SH3GL2: variants seen among roughly 807,000 people sequenced by gnomAD.
The protein encoded by SH3GL2 is endophilin-A1.
In SH3GL2, 24 loss-of-function variants were observed where a neutral mutation model predicts 46.0. The ratio of observed to expected loss-of-function variants is 0.52; its 90% CI spans 0.38 to 0.73. The LOEUF is 0.73. SH3GL2 is among the 30% of genes least tolerant of loss of function. The pLI is 0.00. For missense variants in SH3GL2, 413 were observed against 424.2 expected (o/e 0.97, Z 0.23); for synonymous variants, 196 against 147.1 (o/e 1.33, Z -2.40).
intron 2 of SH3GL2, among the ~76,000 whole-genome samples, chr9:17,759,601 G>A (rs562243740): frequency 6.6e-6 from 1 of 152,244 alleles, no homozygotes; most frequent in East Asian, 1.9e-4. Context: ...AGCATTGAGT[G>A]TGTAAAGATA....
intron 1 of SH3GL2, among the ~76,000 whole-genome samples, chr9:17,626,571 A>C (rs1819286046): frequency 6.6e-6 from 1 of 152,220 alleles, no homozygotes; most frequent in Non-Finnish European, 1.5e-5. Context: ...AGTCTAGTGC[A>C]GTTACTTTAA....
At chr9:17,723,733 C>G (rs1189498168) in intron 1 of SH3GL2, among the ~76,000 whole-genome samples, 2 of 151,912 alleles carry the variant, frequency 1.3e-5, no homozygotes, top group African/African-American at 2.4e-5. Context: ...TGAAGACTTG[C>G]CTCCATTGAT....
chr9:17,794,177 C>T (rs1048531306), intron 8 of SH3GL2, among the ~76,000 whole-genome samples: 4 of 152,190 alleles, frequency 2.6e-5, no homozygotes, highest in Non-Finnish European at 5.9e-5. Flanking sequence ...GTCACACTTG[C>T]TCTCCACTCC....
intron 1 of SH3GL2, among the ~76,000 whole-genome samples, chr9:17,666,315 T>A (rs1820339783): frequency 6.6e-6 from 1 of 152,078 alleles, no homozygotes; most frequent in South Asian, 2.1e-4. Flanking sequence ...TGATTTTATT[T>A]ATTTGGATAT....
At chr9:17,645,528 T>C (rs897716411) in intron 1 of SH3GL2, among the ~76,000 whole-genome samples, 42 of 152,184 alleles carry the variant, frequency 2.8e-4, no homozygotes, top group African/African-American at 8.9e-4. Flanking sequence ...CCTTACCATA[T>C]TTAGTGCTTC....
At chr9:17,584,666 G>T (rs1328774800) in intron 1 of SH3GL2, among the ~76,000 whole-genome samples, 1 of 152,172 alleles carries the variant, frequency 6.6e-6, no homozygotes, top group Non-Finnish European at 1.5e-5. Context: ...CTTTCCAGAG[G>T]TGTCAGGATT....
Position 17,593,549 on chromosome 9 carries a change from C to A in SH3GL2, c.45+14262C>A, listed in dbSNP as rs1233036995. Among the ~76,000 whole-genome samples the A allele has an allele frequency of 2.0e-5, 3 of 152,146 alleles. No individual in the cohort carries two copies. In the East Asian group the frequency reaches 5.8e-4, roughly 29 times the overall value. ...TGTTTGTTTTTTTCCTACATCCTTA[C>A]AAGGACACAAGAATGTACCAACTGT... On this transcript the variant is annotated intron_variant, in intron 1 of 8. Transcript: ENST00000380607.
chr9:17,587,634 T>G (rs1278579190), intron 1 of SH3GL2, among the ~76,000 whole-genome samples: 1 of 152,132 alleles, frequency 6.6e-6, no homozygotes, highest in Non-Finnish European at 1.5e-5. Flanking sequence ...TCCCCGCACT[T>G]TGGGAGGCCG....
chr9:17,735,186 T>C (rs1714469432), intron 1 of SH3GL2, among the ~76,000 whole-genome samples: 1 of 152,092 alleles, frequency 6.6e-6, no homozygotes, highest in South Asian at 2.1e-4. Flanking sequence ...GGCAGCCTCC[T>C]AGAATCCTGG....
intron 1 of SH3GL2, among the ~76,000 whole-genome samples, chr9:17,674,790 G>A (rs1280323286): frequency 6.6e-6 from 1 of 152,130 alleles, no homozygotes; most frequent in Non-Finnish European, 1.5e-5. Flanking sequence ...TAAGGGGACT[G>A]GCCAGGGTTT....
At chr9:17,667,791 T>C (rs1820382851) in intron 1 of SH3GL2, among the ~76,000 whole-genome samples, 1 of 152,182 alleles carries the variant, frequency 6.6e-6, no homozygotes, top group Admixed American at 6.5e-5. Context: ...AGAGTTTCCA[T>C]TTCTCCACAT....
At chr9:17,652,489 C>T (rs1819979519) in intron 1 of SH3GL2, among the ~76,000 whole-genome samples, 2 of 152,054 alleles carry the variant, frequency 1.3e-5, no homozygotes, top group Non-Finnish European at 1.5e-5. Flanking sequence ...TGATCAAGTT[C>T]TGTGACTGCT....
At chr9:17,580,306 G>T (rs1028560028) in intron 1 of SH3GL2, among the ~76,000 whole-genome samples, 1 of 152,092 alleles carries the variant, frequency 6.6e-6, no homozygotes, top group Admixed American at 6.6e-5. Context: ...CTTAATTAAC[G>T]AGCTTTCTCA....
At chr9:17,652,129 T>G (rs890420976) in intron 1 of SH3GL2, among the ~76,000 whole-genome samples, 2 of 152,148 alleles carry the variant, frequency 1.3e-5, no homozygotes, top group Admixed American at 6.6e-5. Context: ...ATTTGTCCCC[T>G]TTGGTGGATT....
chr9:17,658,459 G>A (rs1459438394), intron 1 of SH3GL2, among the ~76,000 whole-genome samples: 2 of 152,092 alleles, frequency 1.3e-5, no homozygotes, highest in Admixed American at 1.3e-4. Flanking sequence ...TTGGACTTGT[G>A]GAAGAAAATG....
At chr9:17,740,879 A>G (rs1034595384) in intron 1 of SH3GL2, among the ~76,000 whole-genome samples, 3 of 152,118 alleles carry the variant, frequency 2.0e-5, no homozygotes, top group African/African-American at 7.2e-5. Flanking sequence ...GTTGGTTTTC[A>G]TTCCTGAGGT....
intron 1 of SH3GL2, among the ~76,000 whole-genome samples, chr9:17,673,334 T>A (rs980554806): frequency 1.3e-4 from 19 of 150,596 alleles, no homozygotes; most frequent in African/African-American, 4.7e-4. Flanking sequence ...TTTTTTTTTT[T>A]ATAGAGGCGG....
In SH3GL2 at chr9:17,759,956, CT is replaced by C. The variant is rs528191517; in HGVS notation, c.115-1478del. ...TTCAGCATATTTGTTCCATACACAC[CT>C]TTGATCCATTTCCCTGGCATAAGAC... On this transcript the variant is annotated intron_variant, in intron 2 of 8. Coordinates refer to ENST00000380607, the MANE Select transcript of SH3GL2 (RefSeq NM_003026.5). Among the ~76,000 whole-genome samples the C allele has an allele frequency of 3.3e-5, 5 of 152,228 alleles. No homozygotes were observed. In the South Asian group the frequency reaches 1.0e-3, roughly 32 times the overall value.
At chr9:17,732,393 A>G (rs1399284030) in intron 1 of SH3GL2, among the ~76,000 whole-genome samples, 1 of 152,124 alleles carries the variant, frequency 6.6e-6, no homozygotes, top group Non-Finnish European at 1.5e-5. Flanking sequence ...AGCAGATCAA[A>G]TTAGTATAGA....
Sources: allele counts gnomAD v4.1 joint callset (sites outside exome capture counted in the v4.1 genomes callset), GRCh38; gene constraint gnomAD v4.1.1; transcripts MANE v1.5; gene names NCBI Gene and HGNC (gene_info 2026-07-23, HGNC 2026-07-21).